Variants in ETV1 observed in about 807,000 individuals in gnomAD.
ETV1 encodes the protein ETS variant transcription factor 1.
A neutral mutation model predicts 62.3 loss-of-function variants in ETV1; 27 were observed. The ratio of observed to expected loss-of-function variants is 0.43; its 90% CI spans 0.32 to 0.60. ETV1 has a LOEUF of 0.60. ETV1 is among the 20% of genes least tolerant of loss of function. The probability of loss-of-function intolerance (pLI) is 0.06; values close to 1 mark genes in which losing one functional copy is unlikely to be tolerated. For synonymous variants in ETV1, 222 were observed against 199.6 expected (o/e 1.11, Z -0.94); for missense variants, 605 against 605.8 (o/e 1.00, Z 0.01).
chr7:13,896,749 A>AAAGAAAG (rs1213445951), intron 13 of ETV1, among the ~76,000 whole-genome samples: 1 of 138,138 alleles, frequency 7.2e-6, no homozygotes, highest in Non-Finnish European at 1.6e-5. Context: ...GAAAGGAAAG[A>AAAGAAAG]AAGAAAGAAA....
chr7:13,959,904 A>G (rs1460368483), intron 6 of ETV1, among the ~76,000 whole-genome samples: 1 of 144,538 alleles, frequency 6.9e-6, no homozygotes, highest in African/African-American at 2.7e-5. Context: ...AAAAAAAAAA[A>G]AAAAAGATCT....
chr7:13,939,195 C>G lies in ETV1; in HGVS notation c.287G>C (p.Cys96Ser). Residue 96 changes from cysteine (C) to serine (S), a missense_variant, in exon 7 of 14, where the codon TGT (cysteine) becomes TCT (serine). Physicochemically the swap from Cys to Ser is moderately radical, Grantham distance 112. This residue lies in a region of ETV1 where 426 missense variants were observed against 377.8 expected (regional missense o/e 1.13). Coordinates refer to ENST00000430479, the MANE Select transcript of ETV1 (RefSeq NM_004956.5). ...ACTGCAGGCAGAGCTGATTTCTGAA[C>G]ATGGACTGTGGGGTTCTTTCTTGAT... ...LKIKKEPHSPCSEISSACSQE... is the reference protein window; with the variant it reads ...LKIKKEPHSPSSEISSACSQE... 6.2e-7 allele frequency: 1 copy of G among 1,612,928 alleles called. No homozygotes were observed. Among genetic ancestry groups the G allele is most frequent in the East Asian group, 2.2e-5 (1 of 44,836 alleles).
chr7:13,894,335 T>G lies in ETV1; in HGVS notation c.*1531A>C, dbSNP rs984054177. The stretch of plus-strand genomic sequence containing the variant: ...GTGAATGAAACAACATACCCTGCTT[T>G]CAATATTTTCTCCAAATGCAAAGCA... On this transcript the variant is annotated 3_prime_UTR_variant, in exon 14 of 14. Coordinates refer to ENST00000430479, the MANE Select transcript of ETV1 (RefSeq NM_004956.5). The G allele has an allele frequency of 1.7e-5, 4 of 232,782 alleles. No homozygotes were observed. The highest frequency in any genetic ancestry group is 8.8e-5 in the African/African-American group (4 of 45,294). The allele number at this position is 232,782 out of a possible 1,614,324, so 14.4% of individuals were successfully genotyped here. A position where few individuals can be genotyped will look rare whatever the true frequency, so the allele number is the denominator to read the frequency against.
At chr7:13,913,973 C>T (rs1364685489) in intron 9 of ETV1, among the ~76,000 whole-genome samples, 1 of 150,402 alleles carries the variant, frequency 6.6e-6, no homozygotes, top group Non-Finnish European at 1.5e-5. Context: ...CAAGCTCCGC[C>T]TCCCGGCTCA....
chr7:13,957,273 T>A (rs1029946742), intron 6 of ETV1, among the ~76,000 whole-genome samples: 26 of 151,806 alleles, frequency 1.7e-4, no homozygotes, highest in African/African-American at 4.6e-4. Flanking sequence ...TTTTTAGTAG[T>A]GACGGGGTTT....
chr7:13,925,768 C>A (rs1317083437), intron 9 of ETV1, among the ~76,000 whole-genome samples: 1 of 151,830 alleles, frequency 6.6e-6, no homozygotes, highest in Non-Finnish European at 1.5e-5. Context: ...CGGGGTTTCA[C>A]CGTGGTCTTG....
At chr7:13,981,293 G>A (rs1321076332) in intron 5 of ETV1, among the ~76,000 whole-genome samples, 1 of 152,010 alleles carries the variant, frequency 6.6e-6, no homozygotes, top group African/African-American at 2.4e-5. Flanking sequence ...AAGACAAGCA[G>A]GCAGAACTGG....
At chr7:13,937,916 T>A (rs954698711) in intron 7 of ETV1, among the ~76,000 whole-genome samples, 3 of 152,190 alleles carry the variant, frequency 2.0e-5, no homozygotes, top group Non-Finnish European at 4.4e-5. Context: ...ATCTGAGCAT[T>A]GGTCAGCTGC....
intron 6 of ETV1, among the ~76,000 whole-genome samples, chr7:13,958,333 C>T (rs1789733083): frequency 6.6e-6 from 1 of 152,072 alleles, no homozygotes; most frequent in Non-Finnish European, 1.5e-5. Flanking sequence ...TTTGCTAGCC[C>T]ACAAAATGAC....
chr7:13,989,867 G>C, upstream of ETV1: 1 of 352,804 alleles, frequency 2.8e-6, no homozygotes, highest in Admixed American at 4.7e-5. Flanking sequence ...GTAGGCGCTG[G>C]GTCCTCAGCC....
chr7:13,939,282 A>G, intron 6 of ETV1, 36 bp from the exon 7 acceptor site: 1 of 1,580,568 alleles, frequency 6.3e-7, no homozygotes, highest in Non-Finnish European at 8.6e-7. Flanking sequence ...CAAAAATTAA[A>G]TGCTGTAGGA....
At chr7:13,976,368 G>T (rs778059944) in intron 6 of ETV1, among the ~76,000 whole-genome samples, 11 of 152,160 alleles carry the variant, frequency 7.2e-5, no homozygotes, top group Non-Finnish European at 1.2e-4. Context: ...GGTAAATTTT[G>T]TGGTATGTAT....
chr7:13,989,739 G>T, upstream of ETV1: 1 of 397,412 alleles, frequency 2.5e-6, no homozygotes, highest in Non-Finnish European at 4.4e-6. Context: ...ATGGATCGCT[G>T]CCTCCCATTG....
intron 6 of ETV1, among the ~76,000 whole-genome samples, chr7:13,970,301 CA>C (rs1780762560): frequency 2.8e-5 from 4 of 143,408 alleles, no homozygotes; most frequent in African/African-American, 7.8e-5. Context: ...CACACACACA[CA>C]CACACACACA....
chr7:13,924,578 G>A (rs60715239), intron 9 of ETV1, among the ~76,000 whole-genome samples: 13,202 of 152,118 alleles, frequency 0.087, 1,006 homozygotes, highest in African/African-American at 0.2. Flanking sequence ...AGCACACCTC[G>A]TATCTTCAAG....
intron 9 of ETV1, among the ~76,000 whole-genome samples, chr7:13,918,138 T>A (rs560673014): frequency 1.3e-5 from 2 of 152,328 alleles, no homozygotes; most frequent in South Asian, 4.1e-4. Flanking sequence ...AGCTTTGTCC[T>A]CTTGTTTTCA....
At chr7:13,923,985 A>C (rs1440822192) in intron 9 of ETV1, among the ~76,000 whole-genome samples, 2 of 152,090 alleles carry the variant, frequency 1.3e-5, no homozygotes, top group African/African-American at 4.8e-5. Context: ...TGGTGAGCTG[A>C]GATCGTGCCA....
At chr7:13,972,537 CAT>C (rs1196533937) in intron 6 of ETV1, among the ~76,000 whole-genome samples, 31 of 152,258 alleles carry the variant, frequency 2.0e-4, no homozygotes, top group African/African-American at 6.7e-4. Context: ...ACTTCAGAAA[CAT>C]AAGGTTCACC....
intron 9 of ETV1, among the ~76,000 whole-genome samples, chr7:13,922,681 C>A (rs533178582): frequency 6.6e-6 from 1 of 152,146 alleles, no homozygotes; most frequent in Non-Finnish European, 1.5e-5. Context: ...AATAATGAAG[C>A]CTGCTAGTTT....
Sources: gnomAD v4.1 joint callset for allele counts (sites outside exome capture counted in the v4.1 genomes callset) on GRCh38, gnomAD v4.1.1 for gene constraint, gnomAD v4.1.1 regional missense constraint, MANE v1.5 for transcripts, NCBI Gene and HGNC (gene_info 2026-07-23, HGNC 2026-07-21) for gene names.